The following MTDH variants were observed in gnomAD, a reference collection of about 807,000 sequenced individuals.
The protein encoded by MTDH is protein LYRIC.
In MTDH, 34 loss-of-function variants were observed where a neutral mutation model predicts 72.7. The observed-to-expected ratio is 0.47, with a 90% CI of 0.36 to 0.62. The LOEUF (loss-of-function observed/expected upper bound fraction) is 0.62. MTDH is among the 20% of genes least tolerant of loss of function. The probability of loss-of-function intolerance (pLI) is 0.00; values close to 1 mark genes in which losing one functional copy is unlikely to be tolerated. For missense variants in MTDH, 677 were observed against 699.4 expected, an observed-to-expected ratio of 0.97 and a Z score of 0.36; for synonymous variants, 266 against 268.9, an observed-to-expected ratio of 0.99 and a Z score of 0.10.
intron 1 of MTDH, among the ~76,000 whole-genome samples, chr8:97,648,725 T>C (rs752227778): frequency 2.6e-5 from 4 of 152,246 alleles, no homozygotes; most frequent in Non-Finnish European, 5.9e-5. Flanking sequence ...AGATTTGCTA[T>C]AGTGTAATTG....
intron 2 of MTDH, among the ~76,000 whole-genome samples, chr8:97,669,982 AT>A (rs1223609163): frequency 2.0e-5 from 3 of 150,400 alleles, no homozygotes. Context: ...TGTAGCCTGG[AT>A]TTTTTTGCCT....
At chr8:97,710,543 A>T (rs1261174041) in intron 8 of MTDH, among the ~76,000 whole-genome samples, 1 of 151,358 alleles carries the variant, frequency 6.6e-6, no homozygotes, top group Non-Finnish European at 1.5e-5. Context: ...ACAAAAAAAA[A>T]AAAATTTAGC....
At chr8:97,664,730 T>C (rs1812310725) in intron 2 of MTDH, among the ~76,000 whole-genome samples, 1 of 152,018 alleles carries the variant, frequency 6.6e-6, no homozygotes, top group Non-Finnish European at 1.5e-5. Flanking sequence ...CTTTCCCTTC[T>C]TTCTTCTTTT....
At chr8:97,649,285 AT>A (rs1250248240) in intron 1 of MTDH, among the ~76,000 whole-genome samples, 2 of 151,980 alleles carry the variant, frequency 1.3e-5, no homozygotes, top group Non-Finnish European at 2.9e-5. Flanking sequence ...TTAGGACTTT[AT>A]TACCTTTTGT....
intron 6 of MTDH, among the ~76,000 whole-genome samples, chr8:97,697,511 A>G (rs1019972651): frequency 6.9e-6 from 1 of 143,958 alleles, no homozygotes; most frequent in Non-Finnish European, 1.5e-5. Flanking sequence ...TCGGCGTCCC[A>G]TGTATCTGGT....
At chr8:97,647,405 T>G (rs1261467775) in intron 1 of MTDH, among the ~76,000 whole-genome samples, 1 of 151,978 alleles carries the variant, frequency 6.6e-6, no homozygotes, top group Non-Finnish European at 1.5e-5. Context: ...CTACAAAAAA[T>G]TTAAAAAATT....
chr8:97,666,762 A>G (rs964106013), intron 2 of MTDH, among the ~76,000 whole-genome samples: 1 of 151,886 alleles, frequency 6.6e-6, no homozygotes, highest in Non-Finnish European at 1.5e-5. Flanking sequence ...CAGTGGCACG[A>G]TCTCACTCAC....
Position 97,711,821 on chromosome 8 carries a change from GTC to G in MTDH, c.1273-1834_1273-1833del, listed in dbSNP as rs903555181. On this transcript the variant is annotated intron_variant, in intron 8 of 11. Transcript: ENST00000336273. Reference sequence around the variant, plus strand: ...CTGTAATAAAAGTTATGTGAATGTGGTCTCTCTCACTTTCTGTGTCTTTCAAA... The same window carrying G: ...CTGTAATAAAAGTTATGTGAATGTGGTCTCTCACTTTCTGTGTCTTTCAAA... Among the ~76,000 whole-genome samples, 170 of 152,288 alleles carry G rather than the reference GTC, an allele frequency of 1.1e-3. 2 individuals carry two copies. The highest frequency in any genetic ancestry group is 3.8e-3 in the African/African-American group (156 of 41,564).
rs553716541 is a variant in MTDH at position 97,726,564 on chromosome 8, A to G, written c.*1894A>G. Reference sequence around the variant, plus strand: ...TCTACCTCACCATTTCTTTATCTCAAAATTCTGTTGGCTTTGTCAAACGTT... The same window carrying G: ...TCTACCTCACCATTTCTTTATCTCAGAATTCTGTTGGCTTTGTCAAACGTT... On this transcript the variant is annotated 3_prime_UTR_variant, in exon 12 of 12. Transcript: ENST00000336273. The G allele has an allele frequency of 1.3e-5, 2 of 152,270 alleles. No homozygotes were observed. Among genetic ancestry groups the G allele is most frequent in the East Asian group, 1.9e-4 (1 of 5,186 alleles). The allele number at this position is 152,270 out of a possible 1,614,324, so 9.4% of individuals were successfully genotyped here. A position where few individuals can be genotyped will look rare whatever the true frequency, so the allele number is the denominator to read the frequency against.
intron 2 of MTDH, among the ~76,000 whole-genome samples, chr8:97,681,576 C>T (rs1813076015): frequency 6.7e-6 from 1 of 150,230 alleles, no homozygotes. Flanking sequence ...TCACTGCAAC[C>T]TCCGCCTCCC....
At chr8:97,654,528 T>G (rs910193289) in intron 1 of MTDH, among the ~76,000 whole-genome samples, 1 of 152,172 alleles carries the variant, frequency 6.6e-6, no homozygotes, top group African/African-American at 2.4e-5. Context: ...ATGCCTCTTC[T>G]GAATTTCCTA....
At position 97,710,464 on chromosome 8, in the gene MTDH, C is replaced by T. The variant is rs1260879219; in HGVS notation, c.1273-3198C>T. ...CAGTACTTTGGGAGGCCGAGGTGGG[C>T]GGATCACCCGAGGTCGGGAGTTTGA... On this transcript the variant is annotated intron_variant, in intron 8 of 11. Transcript: ENST00000336273. Among the ~76,000 whole-genome samples, 3 of 150,282 alleles carry T rather than the reference C, an allele frequency of 2.0e-5. No homozygotes were observed. The East Asian group carries it at 5.9e-4, about 30-fold the overall frequency.
rs1287086797 is a variant in MTDH, at chr8:97,725,347, T to C, written c.*677T>C. 6.6e-6 allele frequency: 1 copy of C among 152,624 alleles called. No individual in the cohort carries two copies. The highest frequency in any genetic ancestry group is 1.9e-4 in the East Asian group (1 of 5,200). The allele number at this position is 152,624 out of a possible 1,614,324, so 9.5% of individuals were successfully genotyped here. A position where few individuals can be genotyped will look rare whatever the true frequency, so the allele number is the denominator to read the frequency against. ...TACTTGAATTGTTCAAAGTACAGTA[T>C]ATTTTAAATTAAGAAAAGTGAACTA... On this transcript the variant is annotated 3_prime_UTR_variant, in exon 12 of 12. Transcript: ENST00000336273.
At chr8:97,723,884 G>T (rs1470556996) in intron 11 of MTDH, among the ~76,000 whole-genome samples, 1 of 152,018 alleles carries the variant, frequency 6.6e-6, no homozygotes, top group Non-Finnish European at 1.5e-5. Context: ...GAGGCGGGTG[G>T]ATCACTTGAA....
chr8:97,663,009 G>A (rs1812234109), intron 2 of MTDH, among the ~76,000 whole-genome samples: 1 of 152,072 alleles, frequency 6.6e-6, no homozygotes, highest in African/African-American at 2.4e-5. Context: ...AATGACTTGT[G>A]TTAACAAGTA....
At chr8:97,684,623 T>G (rs1172909103) in intron 2 of MTDH, among the ~76,000 whole-genome samples, 1 of 152,248 alleles carries the variant, frequency 6.6e-6, no homozygotes, top group Non-Finnish European at 1.5e-5. Flanking sequence ...TTGCTGCCTC[T>G]GCTCAACTGT....
intron 1 of MTDH, among the ~76,000 whole-genome samples, chr8:97,657,549 G>GC (rs1235609721): frequency 6.6e-6 from 1 of 151,384 alleles, no homozygotes; most frequent in Non-Finnish European, 1.5e-5. Flanking sequence ...TTTTGCCCAG[G>GC]CTAGAGTACA....
At chr8:97,659,536 T>C (rs1188944975) in intron 1 of MTDH, among the ~76,000 whole-genome samples, 2 of 152,228 alleles carry the variant, frequency 1.3e-5, no homozygotes, top group African/African-American at 4.8e-5. Flanking sequence ...TTTGAGAATA[T>C]AAATGGTCTC....
intron 2 of MTDH, among the ~76,000 whole-genome samples, chr8:97,678,316 G>C (rs1260240951): frequency 6.6e-6 from 1 of 152,166 alleles, no homozygotes; most frequent in East Asian, 1.9e-4. Flanking sequence ...GTTAGGGAGA[G>C]ATACCACCAT....
Sources: gnomAD v4.1 joint callset for allele counts (sites outside exome capture counted in the v4.1 genomes callset) on GRCh38, gnomAD v4.1.1 for gene constraint, MANE v1.5 for transcripts, NCBI Gene and HGNC (gene_info 2026-07-23, HGNC 2026-07-21) for gene names.